ERC1: variants seen among roughly 807,000 people sequenced by gnomAD.
The protein encoded by ERC1 is ELKS/RAB6-interacting/CAST family member 1.
In ERC1, 56 loss-of-function variants were observed where a neutral mutation model predicts 132.0. That is an observed-to-expected ratio of 0.42 (90% CI 0.34 to 0.53). The LOEUF (loss-of-function observed/expected upper bound fraction) is 0.53, where lower values mean the gene tolerates loss of function less well. Ranked by LOEUF, ERC1 falls within the 20% of genes least tolerant of loss-of-function variation. ERC1 has a pLI of 0.03. For missense variants in ERC1, 1,202 were observed against 1,349.9 expected, an observed-to-expected ratio of 0.89 and a Z score of 1.72; for synonymous variants, 478 against 476.1, an observed-to-expected ratio of 1.00 and a Z score of -0.05.
At chr12:1,047,971 G>A (rs1455438574) in intron 2 of ERC1, among the ~76,000 whole-genome samples, 1 of 152,166 alleles carries the variant, frequency 6.6e-6, no homozygotes, top group African/African-American at 2.4e-5. Context: ...GTTGATTTTT[G>A]ACTTGTAGTT....
At chr12:1,360,321 C>G (rs533229434) in intron 15 of ERC1, among the ~76,000 whole-genome samples, 18 of 152,280 alleles carry the variant, frequency 1.2e-4, no homozygotes, top group Admixed American at 1.1e-3. Flanking sequence ...GTAGAAGAAT[C>G]TTTCTATCAA....
intron 3 of ERC1, among the ~76,000 whole-genome samples, chr12:1,083,861 T>G (rs1401971124): frequency 6.6e-6 from 1 of 152,204 alleles, no homozygotes; most frequent in Non-Finnish European, 1.5e-5. Flanking sequence ...AAAAAATTCC[T>G]TGATTTTTCA....
At chr12:1,200,514 G>A (rs927587183) in intron 12 of ERC1, among the ~76,000 whole-genome samples, 5 of 151,756 alleles carry the variant, frequency 3.3e-5, no homozygotes, top group African/African-American at 1.2e-4. Context: ...TAAAAGAGAA[G>A]TAGCACTCTT....
At chr12:1,395,181 C>G (rs932948318) in intron 16 of ERC1, among the ~76,000 whole-genome samples, 1 of 152,220 alleles carries the variant, frequency 6.6e-6, no homozygotes, top group African/African-American at 2.4e-5. Flanking sequence ...CTCAACCACT[C>G]TTTGTTTTTG....
At chr12:1,064,002 G>A (rs1047589718) in intron 2 of ERC1, among the ~76,000 whole-genome samples, 1 of 152,114 alleles carries the variant, frequency 6.6e-6, no homozygotes, top group Non-Finnish European at 1.5e-5. Flanking sequence ...ATTTGTCTGT[G>A]AAAGACTTTA....
At chr12:1,295,802 A>C (rs1027577591) in intron 15 of ERC1, among the ~76,000 whole-genome samples, 2 of 152,158 alleles carry the variant, frequency 1.3e-5, no homozygotes, top group Middle Eastern at 3.2e-3. Context: ...AACCTATACA[A>C]GTTCAAGGAG....
At chr12:1,412,230 C>T (rs2091892090) in intron 17 of ERC1, among the ~76,000 whole-genome samples, 1 of 152,198 alleles carries the variant, frequency 6.6e-6, no homozygotes, top group African/African-American at 2.4e-5. Flanking sequence ...ACTAATTTTA[C>T]AGAAGATAGA....
At chr12:1,078,856 G>A (rs1045658782) in intron 2 of ERC1, among the ~76,000 whole-genome samples, 13 of 151,830 alleles carry the variant, frequency 8.6e-5, no homozygotes, top group Non-Finnish European at 1.3e-4. Flanking sequence ...GAAATGATTT[G>A]TAATATGACA....
chr12:1,277,656 A>T (rs1295644326), intron 14 of ERC1, among the ~76,000 whole-genome samples: 1 of 152,196 alleles, frequency 6.6e-6, no homozygotes, highest in East Asian at 1.9e-4. Flanking sequence ...ATGTAGAATC[A>T]TTCTGTCTTA....
At chr12:1,280,733 G>A (rs193150294) in intron 14 of ERC1, among the ~76,000 whole-genome samples, 30 of 152,206 alleles carry the variant, frequency 2.0e-4, no homozygotes, top group East Asian at 1.2e-3. Flanking sequence ...AAACATACAC[G>A]TATCATATAT....
intron 12 of ERC1, chr12:1,204,527 A>C (rs1162522615): frequency 1.3e-6 from 2 of 1,589,036 alleles, no homozygotes; most frequent in African/African-American, 2.7e-5. Context: ...GTATGCTTGC[A>C]CTAAAACAAA....
chr12:1,126,610 C>T (rs1201939780), intron 7 of ERC1, among the ~76,000 whole-genome samples: 1 of 152,090 alleles, frequency 6.6e-6, no homozygotes, highest in Non-Finnish European at 1.5e-5. Flanking sequence ...AGAAAGAAAA[C>T]CATTGGCAAA....
At chr12:1,356,778 A>G (rs747486896) in intron 15 of ERC1, among the ~76,000 whole-genome samples, 1 of 152,194 alleles carries the variant, frequency 6.6e-6, no homozygotes, top group African/African-American at 2.4e-5. Flanking sequence ...GAATTTATCT[A>G]CCTGATGCAG....
At chr12:1,096,761 T>C (rs1204803537) in intron 3 of ERC1, among the ~76,000 whole-genome samples, 2 of 152,232 alleles carry the variant, frequency 1.3e-5, no homozygotes, top group East Asian at 3.8e-4. Context: ...GGTGTATAGT[T>C]AAGTAAATTA....
In ERC1 at chr12:1,131,707, C is replaced by T. The variant is rs183435370; in HGVS notation, c.1570-9913C>T. On this transcript the variant is annotated intron_variant, in intron 7 of 18. Coordinates refer to ENST00000360905, the MANE Select transcript of ERC1 (RefSeq NM_178040.4). ...GTCTCGATCTCCTGACCTTGTGATC[C>T]GCCCCCTTGGCCTCCCAAAGTGCTG... is the stretch of plus-strand genomic sequence containing the variant. 4.5e-4 allele frequency among the ~76,000 whole-genome samples: 69 copies of T among 152,192 alleles called. 1 individual carries two copies. Among genetic ancestry groups the T allele is most frequent in the Admixed American group, 1.9e-3 (29 of 15,286 alleles).
intron 13 of ERC1, among the ~76,000 whole-genome samples, chr12:1,246,157 A>G (rs1056249785): frequency 6.6e-6 from 1 of 152,188 alleles, no homozygotes; most frequent in Non-Finnish European, 1.5e-5. Context: ...ATTTATATGC[A>G]TATACATGTC....
rs573356138 is a variant in ERC1, at chr12:1,183,305, C to G, written c.2041C>G (p.His681Asp). Residue 681 changes from histidine to aspartate, a missense_variant, in exon 11 of 19, where the codon CAT (histidine) becomes GAT (aspartate). By Grantham distance (81) the His-to-Asp change is moderately conservative (BLOSUM62 -1). Coordinates refer to ENST00000360905, the MANE Select transcript of ERC1 (RefSeq NM_178040.4). ...GGCTTCACTTTTGGATCTGAAAGAGCATGCTTCTTCTCTGGCATCCTCAGG... is the reference window on the plus strand; with the variant it reads ...GGCTTCACTTTTGGATCTGAAAGAGGATGCTTCTTCTCTGGCATCCTCAGG... ...KEASLLDLKE[H>D]ASSLASSGLK... The G allele has an allele frequency of 6.4e-7, 1 of 1,570,484 alleles. No individual in the cohort carries two copies. The highest frequency in any genetic ancestry group is 1.2e-5 in the South Asian group (1 of 82,874).
intron 1 of ERC1, chr12:1,020,776 A>G (rs1049530089): frequency 6.6e-6 from 1 of 152,230 alleles, no homozygotes; most frequent in Non-Finnish European, 1.5e-5. Context: ...GTCTTTTAAG[A>G]GTTAGTCATG....
At chr12:1,489,935 G>A (rs1316291125) in intron 18 of ERC1, among the ~76,000 whole-genome samples, 158 bp from the exon 19 acceptor site, 4 of 152,202 alleles carry the variant, frequency 2.6e-5, no homozygotes, top group South Asian at 2.1e-4. Flanking sequence ...TCATGAAGAC[G>A]CATTTGATAT....
Sources: gnomAD v4.1 joint callset for allele counts (sites outside exome capture counted in the v4.1 genomes callset) on GRCh38, gnomAD v4.1.1 for gene constraint, MANE v1.5 for transcripts, NCBI Gene and HGNC (gene_info 2026-07-23, HGNC 2026-07-21) for gene names.